SLC27A3: variants seen among roughly 807,000 people sequenced by gnomAD.
SLC27A3 encodes solute carrier family 27 member 3.
Under a neutral mutation model 60.1 loss-of-function variants are expected in SLC27A3, and 60 were observed. The ratio of observed to expected loss-of-function variants is 1.00; its 90% confidence interval spans 0.81 to 1.24. SLC27A3 has a LOEUF of 1.24. Among genes scored for constraint, SLC27A3 ranks in the 50% most tolerant of loss-of-function variants. The pLI is 0.00. For missense variants in SLC27A3, 1,079 were observed against 929.9 expected, an observed-to-expected ratio of 1.16 and a Z score of -2.09; for synonymous variants, 455 against 409.0, an observed-to-expected ratio of 1.11 and a Z score of -1.36.
rs769801335 is a variant in SLC27A3, at chr1:153,776,708, C to T, written c.858C>T (p.Ile286=). 2.5e-6 allele frequency: 4 copies of T among 1,614,184 alleles called. No homozygotes were observed. In the Admixed American group the frequency reaches 5.0e-5, roughly 20 times the overall value. Residue 286 remains isoleucine (I), a synonymous_variant, in exon 2 of 10, where the codon ATC becomes ATT. Transcript: ENST00000624995. Reference sequence around the variant, plus strand: ...GCATAACAGACACGTGCCTGTACATCTTCACCTCTGGCACCACGGGTGAGG... The same window carrying T: ...GCATAACAGACACGTGCCTGTACATTTTCACCTCTGGCACCACGGGTGAGG... ...PQSITDTCLY[I]FTSGTTGLPK...
At chr1:153,778,940 G>A in intron 7 of SLC27A3, 55 bp downstream of exon 7, 1 of 1,573,920 alleles carries the variant, frequency 6.4e-7, no homozygotes, top group Non-Finnish European at 8.7e-7. Flanking sequence ...GTGATCCAAA[G>A]CTTCTGAACC....
In SLC27A3 at chr1:153,775,421, T is replaced by C; in HGVS notation, c.-77T>C. On this transcript the variant is annotated 5_prime_UTR_variant, in exon 1 of 10. Coordinates refer to ENST00000624995, the MANE Select transcript of SLC27A3 (RefSeq NM_024330.4). ...AAGTCTCAGCTAGAACGAGCGGCCC[T>C]AGGTTTTCGGAAGGGAGGATCAGGG... 1.2e-6 allele frequency: 2 copies of C among 1,611,724 alleles called. No individual in the cohort carries two copies. The highest frequency in any genetic ancestry group is 1.7e-5 in the Admixed American group (1 of 60,036).
Position 153,777,072 on chromosome 1 carries a change from G to A in SLC27A3, c.888G>A (p.Lys296=), listed in dbSNP as rs1304478991. The A allele has an allele frequency of 5.0e-6, 8 of 1,614,010 alleles. No homozygotes were observed. The highest frequency in any genetic ancestry group is 3.3e-4 in the Middle Eastern group (2 of 6,084). The change falls in exon 3 of 10, where the codon AAG becomes AAA. Residue 296 remains lysine (K), a synonymous_variant. Transcript: ENST00000624995. ...ACTGCCACCCCACAGGCCTCCCCAAGGCTGCTCGGATCAGTCATCTGAAGA... is the reference window on the plus strand; with the variant it reads ...ACTGCCACCCCACAGGCCTCCCCAAAGCTGCTCGGATCAGTCATCTGAAGA... ...IFTSGTTGLP[K]AARISHLKIL...
chr1:153,777,111 G>A lies in SLC27A3; in HGVS notation c.927G>A (p.Gln309=). The part of the protein sequence containing the change: ...RISHLKILQC[Q]GFYQLCGVHQ... ...GTCATCTGAAGATCCTGCAATGCCA[G>A]GGCTTCTATCAGCTGTGTGGTGTCC... is the stretch of plus-strand genomic sequence containing the variant. The change falls in exon 3 of 10, where the codon CAG becomes CAA. Residue 309 remains glutamine (Q), a synonymous_variant. Coordinates refer to ENST00000624995, the MANE Select transcript of SLC27A3 (RefSeq NM_024330.4). 3 of 1,614,242 alleles carry A rather than the reference G, an allele frequency of 1.9e-6. No homozygotes were observed. The highest frequency in any genetic ancestry group is 2.5e-6 in the Non-Finnish European group (3 of 1,180,040).
chr1:153,778,692 C>T lies in SLC27A3; in HGVS notation c.1453C>T (p.Pro485Ser). The change falls in exon 7 of 10, where the codon CCA becomes TCA. Residue 485 changes from proline to serine, a missense_variant. Coordinates refer to ENST00000624995, the MANE Select transcript of SLC27A3 (RefSeq NM_024330.4). ...GACCCTGGTGACTCTGCCAGGTGAG[C>T]CAGGGCTGCTGGTGGCCCCGGTAAG... ...GHCMATSPGE[P>S]GLLVAPVSQQ... The T allele has an allele frequency of 6.2e-7, 1 of 1,612,742 alleles. No individual in the cohort carries two copies. Among genetic ancestry groups the T allele is most frequent in the Non-Finnish European group, 8.5e-7 (1 of 1,179,938 alleles).
rs1444353618 is a variant in SLC27A3, at chr1:153,775,680, C to G, written c.183C>G (p.Pro61=). Residue 61 remains proline, a synonymous_variant, in exon 1 of 10, where the codon CCC becomes CCG. Coordinates refer to ENST00000624995, the MANE Select transcript of SLC27A3 (RefSeq NM_024330.4). ...CGGCTGCCGCCGACCCGGAAGGTCCCGAGGGGGGCTGCAGCCTGGCCTGGC... is the reference window on the plus strand; with the variant it reads ...CGGCTGCCGCCGACCCGGAAGGTCCGGAGGGGGGCTGCAGCCTGGCCTGGC... ...LAAAAADPEG[P]EGGCSLAWRL... is the part of the protein sequence containing the mutation. The G allele has an allele frequency of 2.6e-6, 4 of 1,534,434 alleles. No individual in the cohort carries two copies. Among genetic ancestry groups the G allele is most frequent in the Non-Finnish European group, 3.5e-6 (4 of 1,142,926 alleles).
In SLC27A3 at chr1:153,775,684, G is replaced by T. The variant is rs143813756; in HGVS notation, c.187G>T (p.Gly63Trp). The T allele has an allele frequency of 1.0e-5, 16 of 1,531,174 alleles. No homozygotes were observed. In the East Asian group the frequency reaches 1.4e-4, roughly 13 times the overall value. The allele number at this position is 1,531,174 out of a possible 1,614,324, so 94.8% of individuals were successfully genotyped here. ...AAAADPEGPE[G>W]GCSLAWRLAE... ...TGCCGCCGACCCGGAAGGTCCCGAG[G>T]GGGGCTGCAGCCTGGCCTGGCGCCT... The change falls in exon 1 of 10, where the codon GGG becomes TGG. Residue 63 changes from glycine (G) to tryptophan (W), a missense_variant. Gly to Trp is a radical substitution (Grantham distance 184). Transcript: ENST00000624995.
At position 153,778,558 on chromosome 1, in the gene SLC27A3, G is replaced by A. The variant is rs1416114748; in HGVS notation, c.1447+5G>A. The A allele has an allele frequency of 1.2e-6, 2 of 1,613,858 alleles. No homozygotes were observed. The highest frequency in any genetic ancestry group is 2.7e-5 in the African/African-American group (2 of 74,916). Reference sequence around the variant, plus strand: ...ACTGTATGGCCACATCTCCAGGTTGGTGGTGTTCTGGTGGGGTGGGCGGGG... The same window carrying A: ...ACTGTATGGCCACATCTCCAGGTTGATGGTGTTCTGGTGGGGTGGGCGGGG... On this transcript the variant is annotated splice_donor_5th_base_variant and intron_variant, in intron 6 of 9. Transcript: ENST00000624995.
chr1:153,778,395 A>G, intron 5 of SLC27A3, 40 bp downstream of exon 5: 1 of 1,613,880 alleles, frequency 6.2e-7, no homozygotes, highest in Middle Eastern at 1.7e-4. Context: ...GTGGAACAGC[A>G]GAGGGCTGGC....
rs768156076 is a variant in SLC27A3, at chr1:153,779,196, G to A, written c.1729G>A (p.Gly577Arg). The A allele has an allele frequency of 1.5e-5, 25 of 1,614,020 alleles. No homozygotes were observed. The highest frequency in any genetic ancestry group is 2.1e-5 in the Non-Finnish European group (25 of 1,180,014). ...TTTTCTTCAGGAGGTGAACGTCTAT[G>A]GAGTCACTGTGCCAGGTGCCTAGGC... The part of the protein sequence containing the change: ...LDFLQEVNVY[G>R]VTVPGHEGRA... The change falls in exon 8 of 10, where the codon GGA becomes AGA. Residue 577 changes from glycine (G) to arginine (R), a missense_variant. By Grantham distance (125) the Gly-to-Arg change is moderately radical. Transcript: ENST00000624995.
At chr1:153,777,704 C>T (rs1185094792) in intron 3 of SLC27A3, 57 bp from the exon 4 acceptor site, 8 of 1,600,366 alleles carry the variant, frequency 5.0e-6, no homozygotes, top group South Asian at 4.4e-5. Context: ...GGGGCTTGGG[C>T]TCCCCACTCT....
At position 153,777,194 on chromosome 1, in the gene SLC27A3, T is replaced by G. The variant is rs754898570; in HGVS notation, c.1010T>G (p.Leu337Arg). 6.4e-5 allele frequency: 104 copies of G among 1,614,146 alleles called. No individual in the cohort carries two copies. The highest frequency in any genetic ancestry group is 8.5e-5 in the Non-Finnish European group (100 of 1,180,048). ...CTCTACCACATGTCCGGTTCCCTGCTGGGCATCGTGGGCTGCATGGGCATT... is the reference window on the plus strand; with the variant it reads ...CTCTACCACATGTCCGGTTCCCTGCGGGGCATCGTGGGCTGCATGGGCATT... Reference protein sequence around the residue: ...LPLYHMSGSLLGIVGCMGIGA... With the variant: ...LPLYHMSGSLRGIVGCMGIGA... The change falls in exon 3 of 10, where the codon CTG becomes CGG. Residue 337 changes from leucine (L) to arginine (R), a missense_variant. Coordinates refer to ENST00000624995, the MANE Select transcript of SLC27A3 (RefSeq NM_024330.4).
chr1:153,777,160 GCCCTCCCA>G lies in SLC27A3; in HGVS notation c.978_985del (p.Leu329HisfsTer64). ...CCACCAGGAAGATGTGATCTACCTC[GCCCTCCCA>G]CTCTACCACATGTCCGGTTCCCTGC... On this transcript the variant is annotated frameshift_variant, in exon 3 of 10. Transcript: ENST00000624995. LOFTEE classifies it high-confidence loss of function. The G allele has an allele frequency of 6.2e-7, 1 of 1,614,206 alleles. No homozygotes were observed.
chr1:153,779,378 C>T lies in SLC27A3; in HGVS notation c.1780C>T (p.Leu594=), dbSNP rs12751770. 2.5e-6 allele frequency: 4 copies of T among 1,613,988 alleles called. No individual in the cohort carries two copies. In the African/African-American group the frequency reaches 4.0e-5, roughly 16 times the overall value. The change falls in exon 9 of 10, where the codon CTG becomes TTG. Residue 594 remains leucine (L), a synonymous_variant. Coordinates refer to ENST00000624995, the MANE Select transcript of SLC27A3 (RefSeq NM_024330.4). ...CAGGGCTGGAATGGCAGCCCTAGTT[C>T]TGCGTCCCCCCCACGCTTTGGACCT... ...EGRAGMAALV[L]RPPHALDLMQ... is the part of the protein sequence containing the mutation.
Position 153,778,346 on chromosome 1 carries a change from G to A in SLC27A3, c.1347G>A (p.Trp449Ter), listed in dbSNP as rs764204981. 1 of 1,613,984 alleles carries A rather than the reference G, an allele frequency of 6.2e-7. No individual in the cohort carries two copies. Among genetic ancestry groups the A allele is most frequent in the South Asian group, 1.1e-5 (1 of 91,076 alleles). ...GQRGAVGRAS[W>*]LYKHIFPFSL... Reference sequence around the variant, plus strand: ...GGGGCGCTGTGGGGCGTGCTTCCTGGCTTTACAAGGTGAGGGGCAGAGAGG... The same window carrying A: ...GGGGCGCTGTGGGGCGTGCTTCCTGACTTTACAAGGTGAGGGGCAGAGAGG... Residue 449 changes from tryptophan (W) to a stop codon, truncating the protein, a stop_gained, in exon 5 of 10, where the codon TGG becomes TGA. Transcript: ENST00000624995. LOFTEE classifies it high-confidence loss of function.
In SLC27A3 at chr1:153,778,089, G is replaced by A; in HGVS notation, c.1162-72G>A. The A allele has an allele frequency of 2.0e-6, 3 of 1,537,340 alleles. No homozygotes were observed. The South Asian group carries it at 3.7e-5, about 19-fold the overall frequency. On this transcript the variant is annotated intron_variant, in intron 4 of 9. Coordinates refer to ENST00000624995, the MANE Select transcript of SLC27A3 (RefSeq NM_024330.4). ...CAGTAGGAGGGGGTTCTGGGGAATGGGGAACAGGAATTCACTTCCGGGAGC... is the reference window on the plus strand; with the variant it reads ...CAGTAGGAGGGGGTTCTGGGGAATGAGGAACAGGAATTCACTTCCGGGAGC...
chr1:153,778,080 TG>T, intron 4 of SLC27A3, 80 bp from the exon 5 acceptor site: 1 of 1,523,956 alleles, frequency 6.6e-7, no homozygotes, highest in Non-Finnish European at 8.8e-7. Flanking sequence ...GAGGGGGTTC[TG>T]GGGAATGGGG....
rs1673316774 is a variant in SLC27A3, at chr1:153,777,923, A to C, written c.1161+38A>C. On this transcript the variant is annotated intron_variant, in intron 4 of 9. Coordinates refer to ENST00000624995, the MANE Select transcript of SLC27A3 (RefSeq NM_024330.4). Reference sequence around the variant, plus strand: ...AGATCCTGGGCAGAGCTGCTGACACAGGGCTAGCTCACGGGGAGCAGGACA... The same window carrying C: ...AGATCCTGGGCAGAGCTGCTGACACCGGGCTAGCTCACGGGGAGCAGGACA... 3.7e-6 allele frequency: 6 copies of C among 1,613,690 alleles called. No individual in the cohort carries two copies. In the East Asian group the frequency reaches 1.3e-4, roughly 36 times the overall value.
At position 153,779,154 on chromosome 1, in the gene SLC27A3, G is replaced by T. The variant is rs1278808046; in HGVS notation, c.1687G>T (p.Val563Phe). 5 of 1,614,072 alleles carry T rather than the reference G, an allele frequency of 3.1e-6. No individual in the cohort carries two copies. The highest frequency in any genetic ancestry group is 4.2e-6 in the Non-Finnish European group (5 of 1,180,038). ...TGTGGCCACAACCGAGGTGGCAGAG[G>T]TCTTCGAGGCCCTAGATTTTCTTCA... ...ENVATTEVAE[V>F]FEALDFLQEV... The change falls in exon 8 of 10, where the codon GTC (valine) becomes TTC (phenylalanine). Residue 563 changes from valine to phenylalanine, a missense_variant. Transcript: ENST00000624995.
Sources: gnomAD v4.1 joint callset for allele counts on GRCh38, gnomAD v4.1.1 for gene constraint, MANE v1.5 for transcripts, NCBI Gene and HGNC (gene_info 2026-07-23, HGNC 2026-07-21) for gene names.